The following TRHDE variants were observed in gnomAD, a reference collection of about 807,000 sequenced individuals.
TRHDE encodes thyrotropin releasing hormone degrading enzyme.
A neutral mutation model predicts 125.7 loss-of-function variants in TRHDE; 72 were observed. The ratio of observed to expected loss-of-function variants is 0.57; its 90% CI spans 0.47 to 0.70. The LOEUF (loss-of-function observed/expected upper bound fraction) is 0.70, where lower values mean the gene tolerates loss of function less well. Ranked by LOEUF, TRHDE falls within the 30% of genes least tolerant of loss-of-function variation. The probability of loss-of-function intolerance (pLI) is 0.00; values close to 1 mark genes in which losing one functional copy is unlikely to be tolerated. For synonymous variants in TRHDE, 509 were observed against 509.1 expected (o/e 1.00, Z 0.00); for missense variants, 1,110 against 1,327.1 (o/e 0.84, Z 2.54).
chr12:72,249,250 A>G (rs1878633975), intron 2 of TRHDE, among the ~76,000 whole-genome samples: 1 of 152,210 alleles, frequency 6.6e-6, no homozygotes, highest in Non-Finnish European at 1.5e-5. Flanking sequence ...AAGCAAAACA[A>G]AAAGTAAGCC....
rs141731126 is a variant in TRHDE, at chr12:72,382,093, G to A, written c.1315+3972G>A. 1.1e-4 allele frequency among the ~76,000 whole-genome samples: 16 copies of A among 152,280 alleles called. No individual in the cohort carries two copies. In the East Asian group the frequency reaches 3.1e-3, roughly 29 times the overall value. On this transcript the variant is annotated intron_variant, in intron 3 of 18. Coordinates refer to ENST00000261180, the MANE Select transcript of TRHDE (RefSeq NM_013381.3). ...TTAAAGACTCCTAGGAGTCAGAAAC[G>A]ACTACTGAGCGGGAGCATGTAGTTG...
intron 7 of TRHDE, 59 bp downstream of exon 7, chr12:72,542,415 T>C: frequency 7.1e-7 from 1 of 1,417,274 alleles, no homozygotes; most frequent in Non-Finnish European, 9.8e-7. Context: ...ATTTCACAGC[T>C]TAGGAAATGG....
At chr12:72,616,865 C>A (rs1219347108) in intron 12 of TRHDE, among the ~76,000 whole-genome samples, 1 of 151,982 alleles carries the variant, frequency 6.6e-6, no homozygotes, top group East Asian at 1.9e-4. Context: ...AATATATAAT[C>A]ACCACACTAA....
At chr12:72,221,132 G>A (rs1160633605) in intron 2 of TRHDE, among the ~76,000 whole-genome samples, 1 of 151,998 alleles carries the variant, frequency 6.6e-6, no homozygotes, top group Admixed American at 6.6e-5. Context: ...GCTTTAGGAA[G>A]ATATAGAGAG....
At chr12:72,439,846 A>G (rs534677755) in intron 3 of TRHDE, among the ~76,000 whole-genome samples, 1 of 151,916 alleles carries the variant, frequency 6.6e-6, no homozygotes, top group African/African-American at 2.4e-5. Flanking sequence ...AAAGCTTTCA[A>G]CTTTCCTGAC....
chr12:72,429,304 G>A (rs965276829), intron 3 of TRHDE, among the ~76,000 whole-genome samples: 19 of 149,742 alleles, frequency 1.3e-4, no homozygotes, highest in Admixed American at 4.0e-4. Context: ...GTAACAAAAC[G>A]TTACGTTCTG....
chr12:72,531,430 A>G (rs961047038), intron 6 of TRHDE, among the ~76,000 whole-genome samples: 1 of 151,986 alleles, frequency 6.6e-6, no homozygotes, highest in African/African-American at 2.4e-5. Flanking sequence ...CTGTGAATTT[A>G]TGATGTCTTT....
At chr12:72,341,577 GT>G (rs1262292888) in intron 2 of TRHDE, among the ~76,000 whole-genome samples, 1 of 152,086 alleles carries the variant, frequency 6.6e-6, no homozygotes, top group East Asian at 1.9e-4. Context: ...AGATAGTGTT[GT>G]TATCAGATGT....
chr12:72,426,475 T>C (rs958001023), intron 3 of TRHDE, among the ~76,000 whole-genome samples: 1 of 152,142 alleles, frequency 6.6e-6, no homozygotes, highest in Non-Finnish European at 1.5e-5. Flanking sequence ...CCAGACTCTT[T>C]TATAAATAAT....
intron 1 of TRHDE, among the ~76,000 whole-genome samples, chr12:72,278,120 G>A (rs1879558576): frequency 1.3e-5 from 2 of 151,804 alleles, no homozygotes; most frequent in South Asian, 4.2e-4. Context: ...TTATTATCTG[G>A]TAAACATTAT....
At chr12:72,232,743 A>G (rs1878270771) in intron 2 of TRHDE, among the ~76,000 whole-genome samples, 1 of 151,944 alleles carries the variant, frequency 6.6e-6, no homozygotes, top group African/African-American at 2.4e-5. Context: ...ACATATCCCC[A>G]TGGCTTCTTC....
intron 2 of TRHDE, chr12:72,167,778 C>T (rs1174802585): frequency 1.3e-5 from 2 of 152,198 alleles, no homozygotes; most frequent in African/African-American, 4.8e-5. Context: ...TAATGGGAGA[C>T]ATGGGAATCA....
chr12:72,363,846 C>T (rs945796845), intron 2 of TRHDE, among the ~76,000 whole-genome samples: 17 of 151,820 alleles, frequency 1.1e-4, no homozygotes, highest in East Asian at 3.9e-4. Context: ...TGTTTGCAGA[C>T]GACATGATTG....
chr12:72,376,475 T>C (rs566482530), intron 2 of TRHDE, among the ~76,000 whole-genome samples: 46 of 152,322 alleles, frequency 3.0e-4, no homozygotes, highest in Admixed American at 5.2e-4. Context: ...CTCCTGATAG[T>C]TTTTGGTTTT....
At chr12:72,590,880 G>A (rs796776479) in intron 12 of TRHDE, among the ~76,000 whole-genome samples, 2 of 151,962 alleles carry the variant, frequency 1.3e-5, no homozygotes, top group Non-Finnish European at 2.9e-5. Context: ...GTCTGTTATT[G>A]TTCCCTCTAT....
intron 15 of TRHDE, among the ~76,000 whole-genome samples, chr12:72,630,264 C>A (rs980812661): frequency 1.3e-5 from 2 of 151,608 alleles, no homozygotes; most frequent in East Asian, 1.9e-4. Flanking sequence ...AGTATGAGAT[C>A]ATCCTAGATT....
At chr12:72,111,470 A>G (rs1243475433) in intron 2 of TRHDE, among the ~76,000 whole-genome samples, 3 of 152,188 alleles carry the variant, frequency 2.0e-5, no homozygotes, top group Non-Finnish European at 4.4e-5. Flanking sequence ...GAAACAGCTC[A>G]TTGTACTGGA....
intron 15 of TRHDE, among the ~76,000 whole-genome samples, chr12:72,638,536 A>G (rs983143057): frequency 3.3e-5 from 5 of 149,718 alleles, no homozygotes; most frequent in African/African-American, 1.2e-4. Context: ...TGTGAATTTG[A>G]TCCTGTCATT....
intron 2 of TRHDE, chr12:72,262,769 A>C (rs1415006932): frequency 6.6e-6 from 1 of 152,172 alleles, no homozygotes; most frequent in Non-Finnish European, 1.5e-5. Context: ...TCTGTCTATA[A>C]GATGAAAGAG....
Sources: gnomAD v4.1 joint callset for allele counts (sites outside exome capture counted in the v4.1 genomes callset) on GRCh38, gnomAD v4.1.1 for gene constraint, MANE v1.5 for transcripts, NCBI Gene and HGNC (gene_info 2026-07-23, HGNC 2026-07-21) for gene names.